The following PDE6A variants were observed in gnomAD, a reference collection of about 807,000 sequenced individuals.
The protein encoded by PDE6A is rod cGMP-specific 3',5'-cyclic phosphodiesterase subunit alpha.
PDE6A carries 84 observed loss-of-function variants against 106.3 expected under a neutral mutation model. The observed-to-expected ratio is 0.79, with a 90% CI of 0.66 to 0.95. PDE6A has a LOEUF of 0.95. PDE6A is among the 40% of genes least tolerant of loss of function. The pLI, the probability that PDE6A is intolerant of heterozygous loss-of-function variation, is 0.00. For missense variants in PDE6A, 1,052 were observed against 1,084.9 expected, an observed-to-expected ratio of 0.97 and a Z score of 0.43; for synonymous variants, 394 against 386.6, an observed-to-expected ratio of 1.02 and a Z score of -0.23.
intron 5 of PDE6A, among the ~76,000 whole-genome samples, chr5:149,917,212 G>A (rs2113632670): frequency 6.6e-6 from 1 of 152,040 alleles, no homozygotes; most frequent in East Asian, 1.9e-4. Flanking sequence ...ACATACTGGA[G>A]GCGTGACTCA....
At chr5:149,894,563 A>C (rs1752661864) in intron 13 of PDE6A, among the ~76,000 whole-genome samples, 1 of 152,076 alleles carries the variant, frequency 6.6e-6, no homozygotes, top group Non-Finnish European at 1.5e-5. Flanking sequence ...TTAAAAATGA[A>C]ATATGTTCCT....
At chr5:149,889,957 ATTT>A (rs111949887) in intron 13 of PDE6A, among the ~76,000 whole-genome samples, 5 of 121,364 alleles carry the variant, frequency 4.1e-5, no homozygotes, top group Middle Eastern at 4.1e-3. Flanking sequence ...AGTCATATTC[ATTT>A]TTTTTTTTTT....
chr5:149,912,971 T>C (rs1753432248), intron 6 of PDE6A, among the ~76,000 whole-genome samples: 1 of 151,876 alleles, frequency 6.6e-6, no homozygotes. Context: ...AAGAGACAGA[T>C]AATGAGTTAA....
At chr5:149,906,927 A>G (rs1301964818) in intron 7 of PDE6A, among the ~76,000 whole-genome samples, 1 of 152,002 alleles carries the variant, frequency 6.6e-6, no homozygotes, top group Admixed American at 6.6e-5. Context: ...GCCTGCCACC[A>G]TGCCCAGCAA....
At chr5:149,923,575 TAACA>T (rs145934930) in intron 4 of PDE6A, among the ~76,000 whole-genome samples, 14 of 86,436 alleles carry the variant, frequency 1.6e-4, no homozygotes, top group South Asian at 1.5e-3. Flanking sequence ...TAACATAACA[TAACA>T]AACAACAACA....
intron 16 of PDE6A, among the ~76,000 whole-genome samples, chr5:149,883,799 G>C (rs1761019936): frequency 6.6e-6 from 1 of 152,156 alleles, no homozygotes; most frequent in South Asian, 2.1e-4. Flanking sequence ...CTAACTCACA[G>C]GCTTGTAGCA....
At chr5:149,870,990 A>G (rs770357393) in intron 17 of PDE6A, among the ~76,000 whole-genome samples, 4 of 152,170 alleles carry the variant, frequency 2.6e-5, no homozygotes, top group Non-Finnish European at 4.4e-5. Flanking sequence ...AGTGAAGGTG[A>G]CTAGCTCAGT....
intron 20 of PDE6A, among the ~76,000 whole-genome samples, chr5:149,864,106 C>T (rs936808230): frequency 6.6e-6 from 1 of 152,138 alleles, no homozygotes; most frequent in Non-Finnish European, 1.5e-5. Flanking sequence ...CTTGTCTCCC[C>T]GAGAGGCTGA....
intron 4 of PDE6A, among the ~76,000 whole-genome samples, chr5:149,926,259 A>T (rs1365073524): frequency 2.6e-5 from 4 of 152,192 alleles, no homozygotes; most frequent in South Asian, 4.1e-4. Flanking sequence ...AAAATTAATT[A>T]AAAAAAACAT....
intron 17 of PDE6A, 98 bp downstream of exon 17, chr5:149,883,331 A>G (rs1451292169): frequency 2.5e-6 from 2 of 804,416 alleles, no homozygotes; most frequent in Non-Finnish European, 4.3e-6. Flanking sequence ...AAAATGAAAT[A>G]GTCCCAAGGC....
At position 149,901,580 on chromosome 5, in the gene PDE6A, C is replaced by T. The variant is rs572268272; in HGVS notation, c.1114-2056G>A. 2.0e-5 allele frequency among the ~76,000 whole-genome samples: 3 copies of T among 152,138 alleles called. No homozygotes were observed. The East Asian group carries it at 5.8e-4, about 29-fold the overall frequency. On this transcript the variant is annotated intron_variant, in intron 8 of 21. Coordinates refer to ENST00000255266, the MANE Select transcript of PDE6A (RefSeq NM_000440.3). ...ACAAAAAACAACATTATTTAGGCTA[C>T]TTTATGGAGTATGAGTTGGAGGAGG...
At chr5:149,917,031 T>C (rs1753573649) in intron 5 of PDE6A, among the ~76,000 whole-genome samples, 1 of 151,280 alleles carries the variant, frequency 6.6e-6, no homozygotes, top group African/African-American at 2.4e-5. Flanking sequence ...GTCTGTTTAA[T>C]TGAATAAAAG....
chr5:149,869,182 T>C (rs1327710941), intron 17 of PDE6A, among the ~76,000 whole-genome samples: 3 of 151,868 alleles, frequency 2.0e-5, no homozygotes, highest in Admixed American at 2.0e-4. Flanking sequence ...ATACAAAAAT[T>C]AGCTGGGCAT....
chr5:149,907,481 A>C, intron 6 of PDE6A, 103 bp from the exon 7 acceptor site: 3 of 871,154 alleles, frequency 3.4e-6, no homozygotes, highest in Non-Finnish European at 5.8e-6. Flanking sequence ...GGTGGCTCTC[A>C]GCACCTGCTT....
intron 13 of PDE6A, among the ~76,000 whole-genome samples, chr5:149,889,433 A>C (rs190252739): frequency 6.6e-6 from 1 of 151,748 alleles, no homozygotes; most frequent in Non-Finnish European, 1.5e-5. Flanking sequence ...TTATTTATTT[A>C]TTATTTATCT....
intron 20 of PDE6A, 104 bp downstream of exon 20, chr5:149,866,066 A>G (rs1760319870): frequency 1.2e-6 from 1 of 806,752 alleles, no homozygotes; most frequent in Admixed American, 1.9e-5. Context: ...TTTGTAAAGT[A>G]TCACCCACTG....
intron 10 of PDE6A, among the ~76,000 whole-genome samples, chr5:149,897,142 C>T (rs1007852548): frequency 9.9e-5 from 15 of 152,220 alleles, no homozygotes; most frequent in African/African-American, 9.6e-5. Context: ...CAGTGCTTGG[C>T]GCATAGTAAG....
At chr5:149,869,225 G>T (rs1209314688) in intron 17 of PDE6A, among the ~76,000 whole-genome samples, 18 of 152,120 alleles carry the variant, frequency 1.2e-4, no homozygotes, top group Admixed American at 1.2e-3. Flanking sequence ...AGCTACGCGG[G>T]AGGCTGAGGC....
intron 16 of PDE6A, 67 bp downstream of exon 16, chr5:149,884,412 G>GTATA (rs371196623): frequency 3.4e-6 from 3 of 883,096 alleles, no homozygotes; most frequent in African/African-American, 1.7e-5. Context: ...ATATATGTGT[G>GTATA]TATATATATA....
Sources: gnomAD v4.1 joint callset for allele counts (sites outside exome capture counted in the v4.1 genomes callset) on GRCh38, gnomAD v4.1.1 for gene constraint, MANE v1.5 for transcripts, NCBI Gene and HGNC (gene_info 2026-07-23, HGNC 2026-07-21) for gene names.